STPG2: variants seen among roughly 807,000 people sequenced by gnomAD.
The protein encoded by STPG2 is sperm-tail PG-rich repeat-containing protein 2.
A neutral mutation model predicts 54.2 loss-of-function variants in STPG2; 56 were observed. The observed-to-expected ratio is 1.03, with a 90% confidence interval of 0.83 to 1.29. The LOEUF (loss-of-function observed/expected upper bound fraction) is 1.29, where lower values mean the gene tolerates loss of function less well. Ranked by LOEUF, STPG2 falls within the 50% of genes most tolerant of loss-of-function variation. The pLI is 0.00. For synonymous variants in STPG2, 200 were observed against 181.8 expected (o/e 1.10, Z -0.81); for missense variants, 596 against 544.9 (o/e 1.09, Z -0.93).
At chr4:97,658,364 TTAAAGA>T (rs1265160044) in intron 10 of STPG2, among the ~76,000 whole-genome samples, 2 of 152,218 alleles carry the variant, frequency 1.3e-5, no homozygotes, top group East Asian at 3.9e-4. Context: ...TGAAAACATT[TTAAAGA>T]TAAAGCAGGA....
At chr4:97,858,266 G>A (rs1300145017) in intron 8 of STPG2, among the ~76,000 whole-genome samples, 2 of 151,970 alleles carry the variant, frequency 1.3e-5, no homozygotes, top group Non-Finnish European at 1.5e-5. Context: ...ATTCCCAAAT[G>A]TCAAGGATCA....
chr4:97,756,417 G>A (rs930498997), intron 9 of STPG2, among the ~76,000 whole-genome samples: 7 of 152,238 alleles, frequency 4.6e-5, no homozygotes, highest in Non-Finnish European at 8.8e-5. Flanking sequence ...CACCTCCTGG[G>A]TTCAAGCGAT....
At chr4:97,809,891 G>A (rs1727683262) in intron 9 of STPG2, among the ~76,000 whole-genome samples, 1 of 151,684 alleles carries the variant, frequency 6.6e-6, no homozygotes, top group Non-Finnish European at 1.5e-5. Flanking sequence ...GTGGCAATTT[G>A]TTACACAGCA....
At chr4:97,470,885 G>A (rs1039417871) in intron 4 of STPG2, among the ~76,000 whole-genome samples, 3 of 152,140 alleles carry the variant, frequency 2.0e-5, no homozygotes, top group Non-Finnish European at 4.4e-5. Context: ...GCATTGCGCT[G>A]TAGCATTAGG....
intron 10 of STPG2, among the ~76,000 whole-genome samples, chr4:97,630,742 CTATT>C (rs976576625): frequency 2.0e-5 from 3 of 151,314 alleles, no homozygotes; most frequent in African/African-American, 7.3e-5. Flanking sequence ...ACAGAGTGCT[CTATT>C]AAAGGAGGTA....
At chr4:97,991,769 T>C (rs1479856261) in intron 5 of STPG2, among the ~76,000 whole-genome samples, 1 of 152,118 alleles carries the variant, frequency 6.6e-6, no homozygotes, top group Non-Finnish European at 1.5e-5. Flanking sequence ...CAACATCTAA[T>C]TTTTTTAAAT....
At chr4:97,783,611 A>C (rs1378478759) in intron 9 of STPG2, among the ~76,000 whole-genome samples, 1 of 152,214 alleles carries the variant, frequency 6.6e-6, no homozygotes, top group Non-Finnish European at 1.5e-5. Context: ...TGCTGCTATC[A>C]AGGCACATTC....
intron 9 of STPG2, among the ~76,000 whole-genome samples, chr4:97,742,706 G>A (rs556109952): frequency 6.7e-6 from 1 of 149,468 alleles, no homozygotes; most frequent in East Asian, 2.0e-4. Flanking sequence ...GCTTACGTGT[G>A]GAATATTTAA....
chr4:98,089,831 G>A (rs185314984), intron 5 of STPG2, among the ~76,000 whole-genome samples: 33 of 151,610 alleles, frequency 2.2e-4, no homozygotes, highest in Middle Eastern at 3.4e-3. Flanking sequence ...ATGTTTGTTG[G>A]TTATTTGTCT....
chr4:97,488,094 T>G (rs1007894419), intron 4 of STPG2, among the ~76,000 whole-genome samples: 6 of 151,620 alleles, frequency 4.0e-5, no homozygotes, highest in African/African-American at 1.5e-4. Flanking sequence ...TTCTTCACAC[T>G]TATGTTCTTA....
At chr4:97,720,213 C>A (rs1017458422) in intron 9 of STPG2, among the ~76,000 whole-genome samples, 1 of 151,820 alleles carries the variant, frequency 6.6e-6, no homozygotes, top group African/African-American at 2.4e-5. Context: ...TTGATTAATT[C>A]TCTAAATCAT....
chr4:97,560,485 A>G (rs1434475591), intron 10 of STPG2, among the ~76,000 whole-genome samples: 2 of 152,148 alleles, frequency 1.3e-5, no homozygotes, highest in Non-Finnish European at 2.9e-5. Context: ...CTCTTTGTAA[A>G]TGTAAGGGAA....
intron 8 of STPG2, among the ~76,000 whole-genome samples, chr4:97,880,546 C>T (rs1226733029): frequency 1.3e-5 from 2 of 151,916 alleles, no homozygotes; most frequent in African/African-American, 2.4e-5. Flanking sequence ...ATAACTGGAA[C>T]ACTAGGGAAG....
At chr4:98,060,589 C>T (rs1269372280) in intron 5 of STPG2, among the ~76,000 whole-genome samples, 1 of 151,978 alleles carries the variant, frequency 6.6e-6, no homozygotes, top group East Asian at 1.9e-4. Context: ...TGGAGTCAAA[C>T]AAGAGCCCGA....
intron 5 of STPG2, among the ~76,000 whole-genome samples, chr4:98,013,579 GCTTT>G: frequency 1.0e-5 from 1 of 96,670 alleles, no homozygotes; most frequent in Non-Finnish European, 2.0e-5. Context: ...CTGGTCCTGG[GCTTT>G]TTTTTTTTTT....
At chr4:97,634,061 C>T (rs368449379) in intron 10 of STPG2, among the ~76,000 whole-genome samples, 5 of 152,136 alleles carry the variant, frequency 3.3e-5, no homozygotes, top group South Asian at 2.1e-4. Context: ...ACAAAAAGAC[C>T]GCAGTAACCT....
rs536167279 is a variant in STPG2 at position 97,737,640 on chromosome 4, G to A, written c.1205-24826C>T. Among the ~76,000 whole-genome samples the A allele has an allele frequency of 2.0e-5, 3 of 152,262 alleles. No homozygotes were observed. The East Asian group carries it at 5.8e-4, about 29-fold the overall frequency. ...TGGAAGATGAAATGAATGAAATGAA[G>A]CGAGAAGGGAAGCTTAGAGAAAAAA... On this transcript the variant is annotated intron_variant, in intron 9 of 10. Transcript: ENST00000295268.
intron 5 of STPG2, 84 bp downstream of exon 5, chr4:98,105,869 C>T (rs907127999): frequency 1.7e-6 from 2 of 1,203,002 alleles, no homozygotes; most frequent in Non-Finnish European, 2.3e-6. Context: ...CACATTAGAT[C>T]AAAGAGCACA....
intron 5 of STPG2, among the ~76,000 whole-genome samples, chr4:98,061,263 A>AAG (rs1737645779): frequency 6.6e-6 from 1 of 152,184 alleles, no homozygotes; most frequent in East Asian, 1.9e-4. Flanking sequence ...GTAATTTATG[A>AAG]AGAAAAGAGG....
Sources: allele counts gnomAD v4.1 joint callset (sites outside exome capture counted in the v4.1 genomes callset), GRCh38; gene constraint gnomAD v4.1.1; transcripts MANE v1.5; gene names NCBI Gene and HGNC (gene_info 2026-07-23, HGNC 2026-07-21).